Variants in IRX2 observed in about 807,000 individuals in gnomAD.
IRX2 encodes iroquois homeobox 2.
IRX2 carries 26 observed loss-of-function variants against 42.9 expected under a neutral mutation model. The ratio of observed to expected loss-of-function variants is 0.61; its 90% confidence interval spans 0.44 to 0.84. IRX2 has a LOEUF of 0.84. Among genes scored for constraint, IRX2 ranks in the 40% least tolerant of loss-of-function variants. The pLI, the probability that IRX2 is intolerant of heterozygous loss-of-function variation, is 0.00. For synonymous variants in IRX2, 424 were observed against 353.9 expected (o/e 1.20, Z -2.22); for missense variants, 782 against 713.9 (o/e 1.10, Z -1.09).
chr5:2,743,802 C>T (rs552995533), downstream of IRX2, among the ~76,000 whole-genome samples: 4 of 152,308 alleles, frequency 2.6e-5, no homozygotes, highest in East Asian at 7.7e-4. Flanking sequence ...TTCCAATGAC[C>T]AGCATGGAGA....
In IRX2 at chr5:2,749,494, G is replaced by A. The variant is rs759220651; in HGVS notation, c.543C>T (p.Ala181=). ...CCTCATCTTCGCTTTTGTTTCTCGG[G>A]GCCCAGGTCATCTTGTTCTCCTTCT... ...RLKKENKMTW[A]PRNKSEDEDE... The change falls in exon 2 of 4, where the codon GCC becomes GCT. Residue 181 remains alanine, a synonymous_variant. Coordinates refer to ENST00000302057, the MANE Select transcript of IRX2 (RefSeq NM_033267.5). 2.5e-6 allele frequency: 4 copies of A among 1,614,216 alleles called. No homozygotes were observed. Among genetic ancestry groups the A allele is most frequent in the South Asian group, 1.1e-5 (1 of 91,088 alleles).
chr5:2,745,767 C>G (rs1043141393), downstream of IRX2: 2 of 152,008 alleles, frequency 1.3e-5, no homozygotes, highest in African/African-American at 2.4e-5. Flanking sequence ...GTGTGGCTCT[C>G]CATTATCAAT....
chr5:2,742,614 T>C (rs1297780913), downstream of IRX2, among the ~76,000 whole-genome samples: 4 of 152,222 alleles, frequency 2.6e-5, no homozygotes, highest in South Asian at 6.2e-4. Flanking sequence ...ATTATATCTA[T>C]TTATATTTTA....
the IRX2 span, chr5:2,737,068 A>G: frequency 6.6e-6 from 1 of 152,156 alleles, no homozygotes; most frequent in African/African-American, 2.4e-5. Flanking sequence ...TGGTCTGTGG[A>G]AGTGGGCCGA....
At position 2,748,909 on chromosome 5, in the gene IRX2, C is replaced by G. The variant is rs139056629; in HGVS notation, c.799G>C (p.Glu267Gln). 38 of 1,596,404 alleles carry G rather than the reference C, an allele frequency of 2.4e-5. No individual in the cohort carries two copies. Among genetic ancestry groups the G allele is most frequent in the Non-Finnish European group, 3.0e-5 (35 of 1,179,314 alleles). ...CGCTCGCCCTCCTCGTCGTCGTCCT[C>G]GTCGTCCTCCAGGTCGTCATACTTG... ...KDKYDDLEDD[E>Q]DDDEEGERGL... is the part of the protein sequence containing the mutation. The change falls in exon 3 of 4, where the codon GAG (glutamate) becomes CAG (glutamine). Residue 267 changes from glutamate (E) to glutamine (Q), a missense_variant. Physicochemically the swap from Glu to Gln is conservative, Grantham distance 29 (BLOSUM62 2). Transcript: ENST00000302057.
At chr5:2,742,613 A>G (rs1365088513), downstream of IRX2, among the ~76,000 whole-genome samples, 1 of 152,182 alleles carries the variant, frequency 6.6e-6, no homozygotes, top group East Asian at 1.9e-4. Flanking sequence ...TATTATATCT[A>G]TTTATATTTT....
Position 2,746,702 on chromosome 5 carries a change from A to T in IRX2, c.*862T>A, listed in dbSNP as rs1737674611. 1.4e-5 allele frequency: 2 copies of T among 144,818 alleles called. No individual in the cohort carries two copies. The highest frequency in any genetic ancestry group is 5.1e-5 in the African/African-American group (2 of 39,182). 9.0% of individuals were successfully genotyped at this position (144,818 alleles called of 1,614,324 possible). On this transcript the variant is annotated 3_prime_UTR_variant, in exon 4 of 4. Coordinates refer to ENST00000302057, the MANE Select transcript of IRX2 (RefSeq NM_033267.5). ...CTGGATTTAGACATCTGTTTGTTGT[A>T]TCTGTAAATTTATGAGCTTGGGAAG...
downstream of IRX2, among the ~76,000 whole-genome samples, chr5:2,742,220 C>T (rs1737559625): frequency 6.6e-6 from 1 of 152,150 alleles, no homozygotes; most frequent in Non-Finnish European, 1.5e-5. Flanking sequence ...CTCTTCCACC[C>T]ATCAATGGCT....
chr5:2,751,092 G>A lies in IRX2; in HGVS notation c.249+73C>T. The A allele has an allele frequency of 2.5e-6, 3 of 1,192,552 alleles. No individual in the cohort carries two copies. The highest frequency in any genetic ancestry group is 3.1e-6 in the Non-Finnish European group (3 of 962,700). 73.9% of individuals were successfully genotyped at this position (1,192,552 alleles called of 1,614,324 possible). ...CCGGCGGCCCCCGCCCGCCGAACCCGAGCCCCGCTCCGCCTGAGCCCCGTC... is the reference window on the plus strand; with the variant it reads ...CCGGCGGCCCCCGCCCGCCGAACCCAAGCCCCGCTCCGCCTGAGCCCCGTC... On this transcript the variant is annotated intron_variant, in intron 1 of 3. Transcript: ENST00000302057. This position sits in a 1 kb window ranked among gnomAD's most constrained non-coding sequence, Gnocchi z 4.0.
chr5:2,750,567 G>A (rs1051717873), intron 1 of IRX2, among the ~76,000 whole-genome samples: 7 of 152,338 alleles, frequency 4.6e-5, no homozygotes, highest in Admixed American at 4.6e-4. Flanking sequence ...CCCTTAGCGG[G>A]TCACGCGCCC....
the IRX2 span, among the ~76,000 whole-genome samples, chr5:2,739,380 C>T: frequency 2.0e-5 from 3 of 152,332 alleles, 1 homozygote; most frequent in South Asian, 6.2e-4. Context: ...CCCGCCTGGG[C>T]GCTGGGGCCG....
At chr5:2,744,160 T>C (rs1456640203), downstream of IRX2, among the ~76,000 whole-genome samples, 1 of 150,120 alleles carries the variant, frequency 6.7e-6, no homozygotes, top group Non-Finnish European at 1.5e-5. Flanking sequence ...AAAACAATCT[T>C]CCTCATTCCA....
the IRX2 span, among the ~76,000 whole-genome samples, chr5:2,739,902 A>T: frequency 6.6e-6 from 1 of 152,210 alleles, no homozygotes; most frequent in East Asian, 1.9e-4. Context: ...CTGCGGCTTC[A>T]GGCGCGGGGT....
At position 2,748,583 on chromosome 5, in the gene IRX2, C is replaced by T. The variant is rs757215168; in HGVS notation, c.1125G>A (p.Ser375=). Residue 375 remains serine (S), a synonymous_variant, in exon 3 of 4, where the codon TCG becomes TCA. Transcript: ENST00000302057. ...APPGGSPYPA[S]PLLGRPLYYT... ...AGTAGAGGGGGCGGCCCAGCAGCGG[C>T]GAGGCAGGGTAGGGCGAGCCTCCTG... 3 of 1,558,824 alleles carry T rather than the reference C, an allele frequency of 1.9e-6. No homozygotes were observed. Among genetic ancestry groups the T allele is most frequent in the African/African-American group, 1.4e-5 (1 of 70,320 alleles).
chr5:2,744,385 A>G (rs1200788610), downstream of IRX2, among the ~76,000 whole-genome samples: 1 of 152,220 alleles, frequency 6.6e-6, no homozygotes, highest in African/African-American at 2.4e-5. Flanking sequence ...ATAACATTAC[A>G]CATAGCAGAG....
In IRX2 at chr5:2,748,352, G is replaced by T; in HGVS notation, c.1356C>A (p.Pro452=). ...HYRSPGGGYE[P]KKDASEGCTV... ...CGGCCGCGGGCCGCCTACCTTTCTTGGGCTCGTAGCCGCCGCCCGGGGACC... is the reference window on the plus strand; with the variant it reads ...CGGCCGCGGGCCGCCTACCTTTCTTTGGCTCGTAGCCGCCGCCCGGGGACC... Residue 452 remains proline (P), a synonymous_variant, in exon 3 of 4, where the codon CCC becomes CCA. Transcript: ENST00000302057. 1 of 1,444,334 alleles carries T rather than the reference G, an allele frequency of 6.9e-7. No homozygotes were observed. Among genetic ancestry groups the T allele is most frequent in the Admixed American group, 2.9e-5 (1 of 34,728 alleles). 89.5% of individuals were successfully genotyped at this position (1,444,334 alleles called of 1,614,324 possible).
downstream of IRX2, among the ~76,000 whole-genome samples, chr5:2,743,234 C>T (rs1737581055): frequency 6.6e-6 from 1 of 152,176 alleles, no homozygotes; most frequent in African/African-American, 2.4e-5. Flanking sequence ...CCGCTCCCCG[C>T]CCCTCCTTCC....
intron 1 of IRX2, among the ~76,000 whole-genome samples, chr5:2,750,482 T>C (rs1737904832): frequency 6.6e-6 from 1 of 152,168 alleles, no homozygotes; most frequent in African/African-American, 2.4e-5. Flanking sequence ...CCCAGCTCAG[T>C]AACCTCGAGA....
chr5:2,739,597 T>TC, the IRX2 span, among the ~76,000 whole-genome samples: 1 of 152,070 alleles, frequency 6.6e-6, no homozygotes, highest in Non-Finnish European at 1.5e-5. Flanking sequence ...GCTCGGCACC[T>TC]CCCCTGGTCC....
Sources: gnomAD v4.1 joint callset for allele counts (sites outside exome capture counted in the v4.1 genomes callset) on GRCh38, gnomAD v4.1.1 for gene constraint, Gnocchi (gnomAD v3.1) non-coding constraint, MANE v1.5 for transcripts, NCBI Gene and HGNC (gene_info 2026-07-23, HGNC 2026-07-21) for gene names.